The following CTNND2 variants were observed in gnomAD, a reference collection of about 807,000 sequenced individuals.
CTNND2 encodes catenin delta-2.
Under a neutral mutation model 144.4 loss-of-function variants are expected in CTNND2, and 22 were observed. That is an observed-to-expected ratio of 0.15 (90% CI 0.11 to 0.22). The LOEUF (loss-of-function observed/expected upper bound fraction) is 0.22. Ranked by LOEUF, CTNND2 falls within the 10% of genes least tolerant of loss-of-function variation. The probability of loss-of-function intolerance (pLI) is 1.00; values close to 1 mark genes in which losing one functional copy is unlikely to be tolerated. For synonymous variants in CTNND2, 751 were observed against 695.6 expected (o/e 1.08, Z -1.25); for missense variants, 1,353 against 1,618.8 (o/e 0.84, Z 2.82).
chr5:11,851,258 T>C (rs1582003263), intron 1 of CTNND2, among the ~76,000 whole-genome samples: 1 of 76,512 alleles, frequency 1.3e-5, no homozygotes, highest in East Asian at 4.6e-4. Context: ...ATCTCTCTAA[T>C]ACATGCGTGT....
At chr5:11,145,151 T>C (rs898256327) in intron 12 of CTNND2, among the ~76,000 whole-genome samples, 1 of 152,126 alleles carries the variant, frequency 6.6e-6, no homozygotes, top group African/African-American at 2.4e-5. Flanking sequence ...ATATATATTA[T>C]ATAAAATTAC....
chr5:11,634,476 C>G (rs981870813), intron 2 of CTNND2, among the ~76,000 whole-genome samples: 2 of 152,098 alleles, frequency 1.3e-5, no homozygotes, highest in African/African-American at 4.8e-5. Context: ...ACGATTTCTC[C>G]AGTTCTGCCT....
chr5:11,460,061 A>T (rs745694625), intron 3 of CTNND2, among the ~76,000 whole-genome samples: 6 of 152,186 alleles, frequency 3.9e-5, no homozygotes, highest in Non-Finnish European at 7.3e-5. Context: ...CCCGACTGGG[A>T]TGGAAAGAGT....
chr5:11,103,725 TA>T (rs33962989), intron 14 of CTNND2, among the ~76,000 whole-genome samples: 25,870 of 146,520 alleles, frequency 0.18, 2,627 homozygotes, highest in Non-Finnish European at 0.24. Context: ...CATACTATAT[TA>T]AAAAAAAAAA....
intron 9 of CTNND2, among the ~76,000 whole-genome samples, chr5:11,301,514 G>A (rs1247233986): frequency 3.9e-5 from 6 of 152,130 alleles, no homozygotes; most frequent in East Asian, 1.9e-4. Flanking sequence ...CACATAGTGC[G>A]TTTTTGGAGA....
rs142678714 is a variant in CTNND2, at chr5:11,345,542, C to G, written c.1628+830G>C. Among the ~76,000 whole-genome samples the G allele has an allele frequency of 2.6e-3, 395 of 152,184 alleles. 2 individuals are homozygous for G. The highest frequency in any genetic ancestry group is 8.7e-3 in the African/African-American group (361 of 41,506). ...CTTGCGTGCTCCATCAGTGAAAATT[C>G]CTTGAGATGAATTTTAAGTACAAGA... On this transcript the variant is annotated intron_variant, in intron 9 of 21. Coordinates refer to ENST00000304623, the MANE Select transcript of CTNND2 (RefSeq NM_001332.4).
At chr5:11,537,560 T>C in intron 3 of CTNND2, among the ~76,000 whole-genome samples, 1 of 152,194 alleles carries the variant, frequency 6.6e-6, no homozygotes, top group East Asian at 1.9e-4. Flanking sequence ...ACAGGCATAG[T>C]GTAAATAGTT....
chr5:11,368,948 A>G (rs1052100167), intron 7 of CTNND2, among the ~76,000 whole-genome samples: 4 of 152,224 alleles, frequency 2.6e-5, no homozygotes, highest in East Asian at 3.9e-4. Context: ...CCTCATGCCA[A>G]TGAATCTTTG....
At chr5:11,359,252 C>T (rs1187126806) in intron 8 of CTNND2, among the ~76,000 whole-genome samples, 1 of 152,102 alleles carries the variant, frequency 6.6e-6, no homozygotes, top group Non-Finnish European at 1.5e-5. Context: ...TAAATAGACA[C>T]CTTAGTTAAA....
intron 3 of CTNND2, among the ~76,000 whole-genome samples, chr5:11,494,028 T>TA (rs1223610305): frequency 2.6e-5 from 4 of 152,162 alleles, no homozygotes; most frequent in Non-Finnish European, 2.9e-5. Flanking sequence ...ATCTTTTTAT[T>TA]AAAAAATGGT....
chr5:11,260,391 A>G (rs968904831), intron 9 of CTNND2, among the ~76,000 whole-genome samples: 2 of 152,198 alleles, frequency 1.3e-5, no homozygotes, highest in African/African-American at 4.8e-5. Context: ...CACACTAAGA[A>G]AAAAGGCTTA....
chr5:11,360,714 T>C (rs1048653565), intron 8 of CTNND2, among the ~76,000 whole-genome samples: 1 of 152,168 alleles, frequency 6.6e-6, no homozygotes. Context: ...TTTTTTGGAA[T>C]ATGCATGTAG....
In CTNND2 at chr5:11,157,954, A is replaced by G. The variant is rs139260192; in HGVS notation, c.2159+1622T>C. 3.3e-3 allele frequency among the ~76,000 whole-genome samples: 499 copies of G among 152,116 alleles called. 3 individuals carry two copies. The highest frequency in any genetic ancestry group is 0.01 in the Middle Eastern group (3 of 294). On this transcript the variant is annotated intron_variant, in intron 12 of 21. Coordinates refer to ENST00000304623, the MANE Select transcript of CTNND2 (RefSeq NM_001332.4). ...CTTAGCCAGATGATGTGTAAAGGGG[A>G]CCCGTGAGCCTACACTGGTCTAGCT...
At chr5:11,258,019 T>G (rs1235501320) in intron 9 of CTNND2, among the ~76,000 whole-genome samples, 1 of 152,134 alleles carries the variant, frequency 6.6e-6, no homozygotes, top group Non-Finnish European at 1.5e-5. Context: ...TGGGGGAGAA[T>G]AATGCTCTTC....
intron 1 of CTNND2, among the ~76,000 whole-genome samples, chr5:11,825,655 T>G (rs1793564628): frequency 6.6e-6 from 1 of 152,068 alleles, no homozygotes; most frequent in Non-Finnish European, 1.5e-5. Context: ...TCTGTTGCTT[T>G]TATCATTATT....
intron 2 of CTNND2, among the ~76,000 whole-genome samples, chr5:11,701,984 G>A (rs1304307051): frequency 6.6e-6 from 1 of 152,160 alleles, no homozygotes; most frequent in Non-Finnish European, 1.5e-5. Flanking sequence ...ATGGGAAGCA[G>A]GACACAAGCA....
At chr5:11,640,038 C>A (rs1781913964) in intron 2 of CTNND2, among the ~76,000 whole-genome samples, 1 of 152,140 alleles carries the variant, frequency 6.6e-6, no homozygotes, top group African/African-American at 2.4e-5. Context: ...AAAAAAATAT[C>A]TTGGGTATTG....
intron 2 of CTNND2, among the ~76,000 whole-genome samples, chr5:11,707,356 C>T (rs1031553690): frequency 2.6e-5 from 4 of 152,156 alleles, no homozygotes; most frequent in African/African-American, 4.8e-5. Context: ...GCACACAGAC[C>T]TAATGATTTT....
intron 1 of CTNND2, among the ~76,000 whole-genome samples, chr5:11,838,478 A>G (rs1794293230): frequency 6.6e-6 from 1 of 152,154 alleles, no homozygotes; most frequent in Admixed American, 6.6e-5. Flanking sequence ...CAGCCTTTTT[A>G]TGACTTATTA....
Sources: gnomAD v4.1 joint callset for allele counts (sites outside exome capture counted in the v4.1 genomes callset) on GRCh38, gnomAD v4.1.1 for gene constraint, MANE v1.5 for transcripts, NCBI Gene and HGNC (gene_info 2026-07-23, HGNC 2026-07-21) for gene names.